The following KCNN4 variants were observed in gnomAD, a reference collection of about 807,000 sequenced individuals.
KCNN4 encodes the protein potassium calcium-activated channel subfamily N member 4, also known as intermediate conductance calcium-activated potassium channel protein 4.
A neutral mutation model predicts 45.2 loss-of-function variants in KCNN4; 31 were observed. The observed-to-expected ratio is 0.69, with a 90% CI of 0.52 to 0.92. The LOEUF (loss-of-function observed/expected upper bound fraction) is 0.92. Ranked by LOEUF, KCNN4 falls within the 40% of genes least tolerant of loss-of-function variation. KCNN4 has a pLI of 0.00. For missense variants in KCNN4, 463 were observed against 574.0 expected, an observed-to-expected ratio of 0.81 and a Z score of 1.98; for synonymous variants, 231 against 254.6, an observed-to-expected ratio of 0.91 and a Z score of 0.88.
intron 4 of KCNN4, among the ~76,000 whole-genome samples, chr19:43,770,411 A>C: frequency 6.6e-6 from 1 of 151,558 alleles, no homozygotes; most frequent in Non-Finnish European, 1.5e-5. Flanking sequence ...TCCTCCGAAC[A>C]CTCATTCTCC....
rs560876697 is a variant in KCNN4, at chr19:43,769,931, C to G, written c.820-102G>C. ...GGTAGGCACGACCATCCCCAGTTAG[C>G]AGACAAGCAAAGAGGCTCAGAGAGG... is the stretch of plus-strand genomic sequence containing the variant. On this transcript the variant is annotated intron_variant, in intron 4 of 8. Transcript: ENST00000648319. This position sits in a 1 kb window ranked among gnomAD's most constrained non-coding sequence, Gnocchi z 4.4. The G allele has an allele frequency of 8.9e-5, 66 of 743,916 alleles. No individual in the cohort carries two copies. In the African/African-American group the frequency reaches 1.1e-3, roughly 13 times the overall value. 46.1% of individuals were successfully genotyped at this position (743,916 alleles called of 1,614,324 possible). A position where few individuals can be genotyped will look rare whatever the true frequency, so the allele number is the denominator to read the frequency against.
chr19:43,767,790 T>C, intron 7 of KCNN4, 83 bp from the exon 8 acceptor site: 1 of 1,514,874 alleles, frequency 6.6e-7, no homozygotes, highest in South Asian at 1.2e-5. Context: ...GGAACCAATA[T>C]TGACCACATC....
intron 2 of KCNN4, among the ~76,000 whole-genome samples, chr19:43,776,156 A>AT (rs1969797146): frequency 7.9e-6 from 1 of 125,910 alleles, no homozygotes; most frequent in Non-Finnish European, 1.7e-5. Flanking sequence ...AAAAAAAAAA[A>AT]GGAGTGGGCA....
At chr19:43,776,463 A>G in intron 2 of KCNN4, 78 bp downstream of exon 2, 1 of 948,834 alleles carries the variant, frequency 1.1e-6, no homozygotes, top group Non-Finnish European at 1.7e-6. Context: ...CAGGAGGAGG[A>G]GGAGGGTGGA....
rs1414152180 is a variant in KCNN4 at position 43,776,633 on chromosome 19, C to T, written c.163G>A (p.Ala55Thr). Residue 55 changes from alanine (A) to threonine (T), a missense_variant, in exon 2 of 9, where the codon GCG becomes ACG. Transcript: ENST00000648319. ...CATTTAACCAGGAACAGGTAGAGCGCCCACTGTCAGGGGGGACGGAAAAAG... is the reference window on the plus strand; with the variant it reads ...CATTTAACCAGGAACAGGTAGAGCGTCCACTGTCAGGGGGGACGGAAAAAG... Reference protein sequence around the residue: ...EMLWFGGCSWALYLFLVKCTI... With the variant: ...EMLWFGGCSWTLYLFLVKCTI... 3 of 1,610,298 alleles carry T rather than the reference C, an allele frequency of 1.9e-6. No homozygotes were observed. Among genetic ancestry groups the T allele is most frequent in the Admixed American group, 1.7e-5 (1 of 60,008 alleles).
chr19:43,774,660 T>G lies in KCNN4; in HGVS notation c.256-41A>C. The G allele has an allele frequency of 6.9e-7, 1 of 1,457,586 alleles. No homozygotes were observed. Among genetic ancestry groups the G allele is most frequent in the Non-Finnish European group, 9.0e-7 (1 of 1,113,006 alleles). 90.3% of individuals were successfully genotyped at this position (1,457,586 alleles called of 1,614,324 possible). A position where few individuals can be genotyped will look rare whatever the true frequency, so the allele number is the denominator to read the frequency against. On this transcript the variant is annotated intron_variant, in intron 2 of 8. Transcript: ENST00000648319. This position sits in a 1 kb window ranked among gnomAD's most constrained non-coding sequence, Gnocchi z 5.6. Reference sequence around the variant, plus strand: ...CAAGAAGGGAGGGGTCAGGAGCAGGTCAGGCGCAGGTCAGGCGGCGGCCCG... The same window carrying G: ...CAAGAAGGGAGGGGTCAGGAGCAGGGCAGGCGCAGGTCAGGCGGCGGCCCG...
At chr19:43,768,301 G>C (rs1035792463) in intron 7 of KCNN4, among the ~76,000 whole-genome samples, 13 of 152,274 alleles carry the variant, frequency 8.5e-5, no homozygotes, top group Admixed American at 5.2e-4. Flanking sequence ...GCTGCCAGGG[G>C]CCACTGTTTG....
intron 1 of KCNN4, among the ~76,000 whole-genome samples, chr19:43,779,593 T>C (rs1568396403): frequency 6.6e-6 from 1 of 152,004 alleles, no homozygotes; most frequent in Non-Finnish European, 1.5e-5. Context: ...AAGTCTGTTC[T>C]CCCCTCAAGC....
At position 43,774,150 on chromosome 19, in the gene KCNN4, C is replaced by A; in HGVS notation, c.683+42G>T. 1 of 1,562,516 alleles carries A rather than the reference C, an allele frequency of 6.4e-7. No individual in the cohort carries two copies. The highest frequency in any genetic ancestry group is 1.2e-5 in the South Asian group (1 of 83,978). ...GGCACAGGACGGCCGCCGTGGCTGT[C>A]CGGGGTTCCCCCCTGCGCATTTATG... On this transcript the variant is annotated intron_variant, in intron 3 of 8. Coordinates refer to ENST00000648319, the MANE Select transcript of KCNN4 (RefSeq NM_002250.3). This position sits in a 1 kb window ranked among gnomAD's most constrained non-coding sequence, Gnocchi z 5.6.
Position 43,778,727 on chromosome 19 carries a change from C to T in KCNN4, c.159+1976G>A, listed in dbSNP as rs146885665. ...CTCTGTACCTCTCCCCATCCCTCCT[C>T]CTCCACCCCACCTGGTGCTTTTGGA... On this transcript the variant is annotated intron_variant, in intron 1 of 8. Transcript: ENST00000648319. Among the ~76,000 whole-genome samples the T allele has an allele frequency of 1.5e-4, 23 of 152,316 alleles. 1 individual carries two copies. The East Asian group carries it at 4.4e-3, about 29-fold the overall frequency.
At chr19:43,767,370 C>T (rs1466356323) in intron 8 of KCNN4, 170 bp downstream of exon 8, 2 of 768,336 alleles carry the variant, frequency 2.6e-6, no homozygotes, top group African/African-American at 1.8e-5. Flanking sequence ...CATCTTCCTT[C>T]ACTGCCAGTC....
intron 4 of KCNN4, 134 bp downstream of exon 4, chr19:43,771,866 G>A: frequency 8.9e-7 from 1 of 1,120,434 alleles, no homozygotes; most frequent in Non-Finnish European, 1.2e-6. Context: ...TGGGGCTCTG[G>A]GGGCCCCAGA....
chr19:43,774,612 A>T lies in KCNN4; in HGVS notation c.263T>A (p.Met88Lys). 6.7e-7 allele frequency: 1 copy of T among 1,501,026 alleles called. No homozygotes were observed. Among genetic ancestry groups the T allele is most frequent in the Non-Finnish European group, 8.8e-7 (1 of 1,134,532 alleles). The allele number at this position is 1,501,026 out of a possible 1,614,324, so 93.0% of individuals were successfully genotyped here. A position where few individuals can be genotyped will look rare whatever the true frequency, so the allele number is the denominator to read the frequency against. ...AFHAKEVQLF[M>K]TDNGLRDWRV... ...CCAGTCCCGCAGCCCGTTGTCGGTC[A>T]TGAACAGCTGCCGGTAGGGGGCCAA... Residue 88 changes from methionine (M) to lysine (K), a missense_variant, in exon 3 of 9, where the codon ATG (methionine) becomes AAG (lysine). By Grantham distance (95) the Met-to-Lys change is moderately conservative. Around this residue, in one of 3 missense-constraint regions of KCNN4, gnomAD observed 225 missense variants for 240.9 expected, o/e 0.93. Transcript: ENST00000648319. The surrounding 1 kb of genome is among the most constrained non-coding windows in gnomAD (Gnocchi z 5.6).
chr19:43,770,834 T>C (rs1568391232), intron 4 of KCNN4, among the ~76,000 whole-genome samples: 1 of 152,184 alleles, frequency 6.6e-6, no homozygotes. Flanking sequence ...CAAGTGCACA[T>C]CACCCTATCT....
intron 1 of KCNN4, among the ~76,000 whole-genome samples, chr19:43,777,768 C>T (rs958629672): frequency 1.3e-5 from 2 of 151,964 alleles, no homozygotes; most frequent in African/African-American, 4.8e-5. Flanking sequence ...GTTGGATTTC[C>T]TAAGAGGGGT....
chr19:43,768,141 T>A (rs538775249), intron 7 of KCNN4, among the ~76,000 whole-genome samples: 58 of 152,380 alleles, frequency 3.8e-4, no homozygotes, highest in African/African-American at 1.3e-3. Context: ...GTGGATTTTC[T>A]ATGGAAATTC....
At position 43,769,162 on chromosome 19, in the gene KCNN4, A is replaced by C; in HGVS notation, c.1050-130T>G. 2 of 1,052,668 alleles carry C rather than the reference A, an allele frequency of 1.9e-6. No individual in the cohort carries two copies. Among genetic ancestry groups the C allele is most frequent in the South Asian group, 1.4e-5 (1 of 73,074 alleles). 65.2% of individuals were successfully genotyped at this position (1,052,668 alleles called of 1,614,324 possible). The stretch of plus-strand genomic sequence containing the variant: ...AAGAAACAAAGTTGTCGAAGAGCTG[A>C]AAGAGTGGGAGGGGATGCACCCTGC... On this transcript the variant is annotated intron_variant, in intron 6 of 8. Coordinates refer to ENST00000648319, the MANE Select transcript of KCNN4 (RefSeq NM_002250.3). The surrounding 1 kb of genome is among the most constrained non-coding windows in gnomAD (Gnocchi z 4.4).
At position 43,776,646 on chromosome 19, in the gene KCNN4, G is replaced by C. The variant is rs1316596576; in HGVS notation, c.160-10C>G. 1.1e-5 allele frequency: 17 copies of C among 1,595,956 alleles called. No homozygotes were observed. Among genetic ancestry groups the C allele is most frequent in the Non-Finnish European group, 1.3e-5 (15 of 1,163,540 alleles). ...ACAGGTAGAGCGCCCACTGTCAGGG[G>C]GGACGGAAAAAGCGGTGTGAGATCC... On this transcript the variant is annotated splice_polypyrimidine_tract_variant and intron_variant, in intron 1 of 8. Coordinates refer to ENST00000648319, the MANE Select transcript of KCNN4 (RefSeq NM_002250.3).
At chr19:43,768,711 T>C (rs998884992) in intron 7 of KCNN4, among the ~76,000 whole-genome samples, 7 of 152,226 alleles carry the variant, frequency 4.6e-5, no homozygotes, top group African/African-American at 1.2e-4. Context: ...AAAGATAATT[T>C]GAAACCAAAC....
Sources: allele counts gnomAD v4.1 joint callset (sites outside exome capture counted in the v4.1 genomes callset), GRCh38; gene constraint gnomAD v4.1.1; regional missense constraint gnomAD v4.1.1; non-coding constraint Gnocchi (gnomAD v3.1); transcripts MANE v1.5; gene names NCBI Gene and HGNC (gene_info 2026-07-23, HGNC 2026-07-21).